Variants in ADAMTS13 observed in about 807,000 individuals in gnomAD.
The protein encoded by ADAMTS13 is ADAM metallopeptidase with thrombospondin type 1 motif 13, also known as A disintegrin and metalloproteinase with thrombospondin motifs 13.
A neutral mutation model predicts 155.1 loss-of-function variants in ADAMTS13; 110 were observed. The ratio of observed to expected loss-of-function variants is 0.71; its 90% CI spans 0.61 to 0.83. The LOEUF (loss-of-function observed/expected upper bound fraction) is 0.83. Among genes scored for constraint, ADAMTS13 ranks in the 40% least tolerant of loss-of-function variants. The probability of loss-of-function intolerance (pLI) is 0.00; values close to 1 mark genes in which losing one functional copy is unlikely to be tolerated. For missense variants in ADAMTS13, 1,707 were observed against 1,891.7 expected (o/e 0.90, Z 1.81); for synonymous variants, 758 against 756.4 (o/e 1.00, Z -0.03).
Position 133,456,465 on chromosome 9 carries a change from G to A in ADAMTS13, c.3548-78G>A. 1 of 1,556,438 alleles carries A rather than the reference G, an allele frequency of 6.4e-7. No homozygotes were observed. The highest frequency in any genetic ancestry group is 8.7e-7 in the Non-Finnish European group (1 of 1,144,706). On this transcript the variant is annotated intron_variant, in intron 26 of 28. Coordinates refer to ENST00000355699, the MANE Select transcript of ADAMTS13 (RefSeq NM_139027.6). The surrounding 1 kb of genome is among the most constrained non-coding windows in gnomAD (Gnocchi z 4.4). ...GTGGGAGAGGTGGGACTTGAACTCG[G>A]CTCAGTCTACCCTGGAGCCACTCCT...
intron 11 of ADAMTS13, among the ~76,000 whole-genome samples, chr9:133,435,903 T>C (rs114716793): frequency 0.038 from 5,747 of 152,096 alleles, 361 homozygotes; most frequent in African/African-American, 0.13. Flanking sequence ...CCACCAGCAT[T>C]GCGCCAGGGT....
chr9:133,416,530 G>C (rs1052099076), intron 1 of ADAMTS13, among the ~76,000 whole-genome samples: 11 of 152,190 alleles, frequency 7.2e-5, no homozygotes, highest in Admixed American at 2.6e-4. Context: ...AGAATCACTG[G>C]AGCCCAGGCA....
At chr9:133,428,854 C>A in intron 7 of ADAMTS13, 83 bp downstream of exon 7, 9 of 1,182,548 alleles carry the variant, frequency 7.6e-6, no homozygotes, top group Non-Finnish European at 8.4e-6. Flanking sequence ...TACGTCCGTC[C>A]CCACTCCGCA....
chr9:133,417,881 G>T (rs1040514808), upstream of ADAMTS13: 1 of 1,584,424 alleles, frequency 6.3e-7, no homozygotes, highest in Non-Finnish European at 8.5e-7. Flanking sequence ...GCGGCCACCC[G>T]AGACCCCGGC....
At chr9:133,458,916 C>T in intron 28 of ADAMTS13, 58 bp from the exon 29 acceptor site, 1 of 1,492,264 alleles carries the variant, frequency 6.7e-7, no homozygotes, top group Non-Finnish European at 9.2e-7. Flanking sequence ...ACGAAGGCTT[C>T]CGTGAGTGCT....
intron 22 of ADAMTS13, 143 bp from the exon 23 acceptor site, chr9:133,449,640 G>A (rs898371934): frequency 2.8e-5 from 25 of 883,288 alleles, no homozygotes; most frequent in Non-Finnish European, 4.5e-5. Context: ...GAGGACACAA[G>A]GGGGCCTCCA....
At chr9:133,414,347 C>T, upstream of ADAMTS13, 3 of 560,426 alleles carry the variant, frequency 5.4e-6, no homozygotes, top group South Asian at 4.6e-5. Context: ...AGAAACTTGC[C>T]CCAAACCACC....
At position 133,445,384 on chromosome 9, in the gene ADAMTS13, G is replaced by A. The variant is rs1554792257; in HGVS notation, c.2611-315G>A. Among the ~76,000 whole-genome samples, 8 of 152,182 alleles carry A rather than the reference G, an allele frequency of 5.3e-5. No individual in the cohort carries two copies. The highest frequency in any genetic ancestry group is 1.2e-4 in the Non-Finnish European group (8 of 68,006). Reference sequence around the variant, plus strand: ...GGCCTTGCTCTCTGGCCTGGGTGCTGGCAACCCTCGCCCCTCATGGCTGGG... The same window carrying A: ...GGCCTTGCTCTCTGGCCTGGGTGCTAGCAACCCTCGCCCCTCATGGCTGGG... On this transcript the variant is annotated intron_variant, in intron 20 of 28. Transcript: ENST00000355699. The surrounding 1 kb of genome is among the most constrained non-coding windows in gnomAD (Gnocchi z 5.0).
intron 21 of ADAMTS13, among the ~76,000 whole-genome samples, chr9:133,447,046 G>C (rs1487168321): frequency 6.6e-6 from 1 of 152,056 alleles, no homozygotes; most frequent in Non-Finnish European, 1.5e-5. Context: ...GTAGAGATGG[G>C]GTTTCACCAT....
intron 19 of ADAMTS13, among the ~76,000 whole-genome samples, chr9:133,444,353 CTT>C (rs782238892): frequency 6.8e-6 from 1 of 146,072 alleles, no homozygotes. Context: ...GATGGGTTCT[CTT>C]TTTTTTTTTT....
At chr9:133,430,693 CTATTTT>C (rs1840690715) in intron 8 of ADAMTS13, among the ~76,000 whole-genome samples, 1 of 139,686 alleles carries the variant, frequency 7.2e-6, no homozygotes, top group Non-Finnish European at 1.5e-5. Flanking sequence ...TTTTTTTTTC[CTATTTT>C]TTTTTTTTTT....
At position 133,458,058 on chromosome 9, in the gene ADAMTS13, C is replaced by T. The variant is rs782321856; in HGVS notation, c.3873C>T (p.Gly1291=). The stretch of plus-strand genomic sequence containing the variant: ...TCCATGCCCTGGCCACCAACATGGG[C>T]GCTGGGACCGAGGGAGCCAATGCCA... ...IAIHALATNM[G]AGTEGANASY... Residue 1291 remains glycine, a synonymous_variant, in exon 28 of 29, where the codon GGC becomes GGT. Coordinates refer to ENST00000355699, the MANE Select transcript of ADAMTS13 (RefSeq NM_139027.6). 6.2e-7 allele frequency: 1 copy of T among 1,613,364 alleles called. No homozygotes were observed. The highest frequency in any genetic ancestry group is 8.5e-7 in the Non-Finnish European group (1 of 1,180,032).
Position 133,459,105 on chromosome 9 carries a change from C to A in ADAMTS13, c.4041C>A (p.Gly1347=). 1 of 1,612,880 alleles carries A rather than the reference C, an allele frequency of 6.2e-7. No homozygotes were observed. The highest frequency in any genetic ancestry group is 8.5e-7 in the Non-Finnish European group (1 of 1,179,896). Residue 1347 remains glycine, a synonymous_variant, in exon 29 of 29, where the codon GGC becomes GGA. Transcript: ENST00000355699. ...GFLKAQASLR[G]QYWTLQSWVP... ...TGAAGGCTCAGGCCAGCCTGCGGGG[C>A]CAGTACTGGACCCTCCAATCATGGG...
At chr9:133,438,483 C>T in intron 14 of ADAMTS13, 117 bp downstream of exon 14, 2 of 1,470,114 alleles carry the variant, frequency 1.4e-6, no homozygotes, top group East Asian at 2.4e-5. Context: ...TCACTCAGCC[C>T]TGGATGCCTC....
At chr9:133,448,535 C>A in intron 21 of ADAMTS13, 64 bp from the exon 22 acceptor site, 1 of 1,599,014 alleles carries the variant, frequency 6.3e-7, no homozygotes, top group Non-Finnish European at 8.5e-7. Context: ...GTCCAGTGAG[C>A]CTGGGCTGCA....
At chr9:133,448,468 A>G in intron 21 of ADAMTS13, 131 bp from the exon 22 acceptor site, 1 of 1,205,594 alleles carries the variant, frequency 8.3e-7, no homozygotes, top group Non-Finnish European at 1.2e-6. Context: ...GAGGTCACAC[A>G]GCTGGTAAGT....
chr9:133,426,582 G>C (rs955529071), intron 6 of ADAMTS13, among the ~76,000 whole-genome samples: 2 of 152,206 alleles, frequency 1.3e-5, no homozygotes, highest in Non-Finnish European at 2.9e-5. Context: ...AACTTCTGTA[G>C]AAAATTCAGG....
Position 133,459,268 on chromosome 9 carries a change from CT to C in ADAMTS13, c.*90del. ...CTTTCCAATTCGAACTTTTTCCAAT[CT>C]TAGGTATCTACTTTAGAGTCTTCTC... On this transcript the variant is annotated 3_prime_UTR_variant, in exon 29 of 29. Transcript: ENST00000355699. 1 of 1,305,900 alleles carries C rather than the reference CT, an allele frequency of 7.7e-7. No individual in the cohort carries two copies. Among genetic ancestry groups the C allele is most frequent in the Non-Finnish European group, 1.1e-6 (1 of 927,806 alleles). The allele number at this position is 1,305,900 out of a possible 1,614,324, so 80.9% of individuals were successfully genotyped here.
rs1564422441 is a variant in ADAMTS13, at chr9:133,436,910, GGC to G, written c.1393_1394del (p.Ala465LeufsTer68). ...CCAGCCGCTGCGCTCCTCCCCTGGC[GGC>G]GCCTCCTTCTACCACTGGGGTGCTG... is the stretch of plus-strand genomic sequence containing the variant. ...DGQPLRSSPG[G>X]ASFYHWGAAV... is the part of the protein sequence containing the mutation. On this transcript the variant is annotated frameshift_variant, in exon 12 of 29. Coordinates refer to ENST00000355699, the MANE Select transcript of ADAMTS13 (RefSeq NM_139027.6). LOFTEE classifies it high-confidence loss of function. The G allele has an allele frequency of 6.3e-7, 1 of 1,589,398 alleles. No individual in the cohort carries two copies. The highest frequency in any genetic ancestry group is 1.8e-5 in the Admixed American group (1 of 56,128).
Sources: gnomAD v4.1 joint callset for allele counts (sites outside exome capture counted in the v4.1 genomes callset) on GRCh38, gnomAD v4.1.1 for gene constraint, Gnocchi (gnomAD v3.1) non-coding constraint, MANE v1.5 for transcripts, NCBI Gene and HGNC (gene_info 2026-07-23, HGNC 2026-07-21) for gene names.